Variants in ATXN7L1 observed in about 807,000 individuals in gnomAD.
ATXN7L1 encodes the protein ataxin-7-like protein 1.
A neutral mutation model predicts 70.8 loss-of-function variants in ATXN7L1; 15 were observed. The ratio of observed to expected loss-of-function variants is 0.21; its 90% CI spans 0.14 to 0.33. The LOEUF (loss-of-function observed/expected upper bound fraction) is 0.33. Ranked by LOEUF, ATXN7L1 falls within the 10% of genes least tolerant of loss-of-function variation. ATXN7L1 has a pLI of 1.00. For synonymous variants in ATXN7L1, 440 were observed against 445.1 expected (o/e 0.99, Z 0.14); for missense variants, 975 against 1,097.1 (o/e 0.89, Z 1.57).
At chr7:105,832,242 AGTATTTG>A (rs1361826619) in intron 2 of ATXN7L1, among the ~76,000 whole-genome samples, 1 of 152,144 alleles carries the variant, frequency 6.6e-6, no homozygotes, top group Non-Finnish European at 1.5e-5. Flanking sequence ...ATTTTTTCAA[AGTATTTG>A]CATTTGGGGA....
intron 2 of ATXN7L1, among the ~76,000 whole-genome samples, chr7:105,790,367 A>G (rs1013109898): frequency 2.6e-5 from 4 of 152,066 alleles, no homozygotes; most frequent in Non-Finnish European, 5.9e-5. Flanking sequence ...TTTGGGAGGT[A>G]GGATGATCAA....
chr7:105,860,128 A>AATAT (rs1470485018), intron 2 of ATXN7L1, among the ~76,000 whole-genome samples: 13,786 of 69,422 alleles, frequency 0.2, 1,709 homozygotes, highest in East Asian at 0.4. Context: ...TTTATATGTA[A>AATAT]ATATATATAT....
At chr7:105,657,389 C>T (rs1800827906) in intron 4 of ATXN7L1, among the ~76,000 whole-genome samples, 1 of 152,130 alleles carries the variant, frequency 6.6e-6, no homozygotes, top group Non-Finnish European at 1.5e-5. Flanking sequence ...CAGCCACTAA[C>T]CACTTCAGGC....
intron 3 of ATXN7L1, among the ~76,000 whole-genome samples, chr7:105,776,154 C>A (rs1802697739): frequency 1.3e-5 from 2 of 152,142 alleles, no homozygotes; most frequent in Non-Finnish European, 2.9e-5. Flanking sequence ...GTGGATACAG[C>A]TCTGAGGAAT....
intron 3 of ATXN7L1, among the ~76,000 whole-genome samples, chr7:105,726,656 A>G (rs893641166): frequency 1.3e-5 from 2 of 152,150 alleles, no homozygotes; most frequent in Non-Finnish European, 2.9e-5. Context: ...AGGGCATCCT[A>G]GTCCAGCCCT....
intron 3 of ATXN7L1, among the ~76,000 whole-genome samples, chr7:105,746,218 T>A (rs1040017792): frequency 6.6e-6 from 1 of 152,186 alleles, no homozygotes; most frequent in Non-Finnish European, 1.5e-5. Context: ...TGTGACGGTG[T>A]CCTGTTCCCA....
intron 2 of ATXN7L1, among the ~76,000 whole-genome samples, chr7:105,797,327 C>T (rs749212874): frequency 1.3e-5 from 2 of 152,174 alleles, no homozygotes; most frequent in Admixed American, 6.5e-5. Flanking sequence ...ACAGGATGTC[C>T]GCCCCCGGAC....
chr7:105,728,050 T>C (rs1232118889), intron 3 of ATXN7L1, among the ~76,000 whole-genome samples: 1 of 152,060 alleles, frequency 6.6e-6, no homozygotes, highest in Non-Finnish European at 1.5e-5. Context: ...TGTACTACTT[T>C]GCTTCTCATG....
chr7:105,783,701 TCTGA>T (rs1279173543), intron 3 of ATXN7L1, among the ~76,000 whole-genome samples: 1 of 152,184 alleles, frequency 6.6e-6, no homozygotes, highest in Non-Finnish European at 1.5e-5. Flanking sequence ...CCCTATTATC[TCTGA>T]CTGTTCATTT....
At chr7:105,730,731 C>T (rs1407027684) in intron 3 of ATXN7L1, among the ~76,000 whole-genome samples, 5 of 145,374 alleles carry the variant, frequency 3.4e-5, no homozygotes, top group Middle Eastern at 3.2e-3. Context: ...GACTCCATCT[C>T]GAAAAAAAAA....
chr7:105,627,344 C>T (rs1192288055), intron 7 of ATXN7L1, among the ~76,000 whole-genome samples: 1 of 151,932 alleles, frequency 6.6e-6, no homozygotes, highest in Non-Finnish European at 1.5e-5. Flanking sequence ...AGGGGATCCA[C>T]CCACCTCAAC....
chr7:105,756,319 G>A (rs1799803291), intron 3 of ATXN7L1, among the ~76,000 whole-genome samples: 2 of 152,190 alleles, frequency 1.3e-5, no homozygotes, highest in Non-Finnish European at 2.9e-5. Flanking sequence ...ACTTTCTCAT[G>A]AGCATGTGGG....
Position 105,875,858 on chromosome 7 carries a change from T to G in ATXN7L1, c.204A>C (p.Gly68=), listed in dbSNP as rs199523874. The G allele has an allele frequency of 1.8e-5, 29 of 1,613,002 alleles. No individual in the cohort carries two copies. The Admixed American group carries it at 3.3e-4, about 19-fold the overall frequency. The stretch of plus-strand genomic sequence containing the variant: ...CCTCCCTGCTTTTTCCACCCTCTTT[T>G]CCAGCCTCTTCTAAATCTACATCTG... ...CSDNVDLEEA[G]KEGGKSREVM... is the part of the protein sequence containing the mutation. Residue 68 remains glycine, a synonymous_variant, in exon 2 of 12, where the codon GGA becomes GGC. Coordinates refer to ENST00000419735, the MANE Select transcript of ATXN7L1 (RefSeq NM_020725.2).
chr7:105,814,437 G>GT (rs35343635), intron 2 of ATXN7L1, among the ~76,000 whole-genome samples: 196 of 149,660 alleles, frequency 1.3e-3, no homozygotes, highest in East Asian at 4.9e-3. Flanking sequence ...TTCCAGCAGG[G>GT]TTTTTTTTTT....
intron 3 of ATXN7L1, among the ~76,000 whole-genome samples, chr7:105,781,808 CAG>C (rs2116465032): frequency 6.6e-6 from 1 of 152,224 alleles, no homozygotes; most frequent in South Asian, 2.1e-4. Context: ...CAAGGTCACA[CAG>C]GGAATAAGGT....
intron 3 of ATXN7L1, among the ~76,000 whole-genome samples, chr7:105,667,209 C>T (rs1802744867): frequency 6.6e-6 from 1 of 152,208 alleles, no homozygotes. Context: ...CTCCTCATGG[C>T]TGACTGGCCA....
At chr7:105,669,715 T>C (rs913724606) in intron 3 of ATXN7L1, among the ~76,000 whole-genome samples, 2 of 151,220 alleles carry the variant, frequency 1.3e-5, no homozygotes, top group Non-Finnish European at 2.9e-5. Context: ...AGGCTGGGAG[T>C]TTGAGACCAG....
chr7:105,772,812 A>G (rs951064817), intron 3 of ATXN7L1, among the ~76,000 whole-genome samples: 2 of 152,240 alleles, frequency 1.3e-5, no homozygotes, highest in Non-Finnish European at 2.9e-5. Context: ...ACATTAAATA[A>G]ATTTTCTAAT....
At chr7:105,875,633 C>CCG (rs1040412305) in intron 2 of ATXN7L1, among the ~76,000 whole-genome samples, 179 bp downstream of exon 2, 5 of 124,384 alleles carry the variant, frequency 4.0e-5, no homozygotes, top group Non-Finnish European at 8.7e-5. Flanking sequence ...CTTTACCCCC[C>CCG]CCCCAGTTGT....
Sources: allele counts gnomAD v4.1 joint callset (sites outside exome capture counted in the v4.1 genomes callset), GRCh38; gene constraint gnomAD v4.1.1; transcripts MANE v1.5; gene names NCBI Gene and HGNC (gene_info 2026-07-23, HGNC 2026-07-21).